The following PCCA variants were observed in gnomAD, a reference collection of about 807,000 sequenced individuals.
PCCA encodes the protein propionyl-CoA carboxylase alpha chain, mitochondrial.
Under a neutral mutation model 101.3 loss-of-function variants are expected in PCCA, and 74 were observed. That is an observed-to-expected ratio of 0.73 (90% CI 0.61 to 0.89). The LOEUF is 0.89. Among genes scored for constraint, PCCA ranks in the 40% least tolerant of loss-of-function variants. The probability of loss-of-function intolerance (pLI) is 0.00; values close to 1 mark genes in which losing one functional copy is unlikely to be tolerated. For synonymous variants in PCCA, 294 were observed against 313.6 expected, an observed-to-expected ratio of 0.94 and a Z score of 0.66; for missense variants, 891 against 907.0, an observed-to-expected ratio of 0.98 and a Z score of 0.23.
At chr13:100,412,028 G>T (rs12429310) in intron 19 of PCCA, among the ~76,000 whole-genome samples, 1 of 152,192 alleles carries the variant, frequency 6.6e-6, no homozygotes, top group Non-Finnish European at 1.5e-5. Context: ...ACCTAAATTA[G>T]ATCTTAGACA....
intron 21 of PCCA, among the ~76,000 whole-genome samples, chr13:100,475,129 C>T (rs2083319486): frequency 6.6e-6 from 1 of 152,172 alleles, no homozygotes; most frequent in Admixed American, 6.5e-5. Context: ...CTCATTGCAG[C>T]CTTGAACTCT....
At chr13:100,227,540 G>A (rs894642357) in intron 7 of PCCA, among the ~76,000 whole-genome samples, 1 of 152,148 alleles carries the variant, frequency 6.6e-6, no homozygotes, top group Non-Finnish European at 1.5e-5. Flanking sequence ...TTTTGTAATA[G>A]AGGAATAAGA....
chr13:100,527,774 A>G (rs2087971969), intron 23 of PCCA, 22 bp downstream of exon 23: 1 of 1,576,686 alleles, frequency 6.3e-7, no homozygotes, highest in Admixed American at 1.7e-5. Context: ...AGTCCCCATC[A>G]GCCCAGGCCG....
chr13:100,098,673 C>T (rs747066110), intron 1 of PCCA, among the ~76,000 whole-genome samples: 16 of 152,042 alleles, frequency 1.1e-4, no homozygotes, highest in Non-Finnish European at 1.8e-4. Context: ...AATGGCCTGG[C>T]GGAAGAGTCA....
At position 100,480,707 on chromosome 13, in the gene PCCA, AGCCTTCTCACCCATGC is replaced by A. The variant is rs2083829469; in HGVS notation, c.1899+31405_1899+31420del. The stretch of plus-strand genomic sequence containing the variant: ...GCTACAAAGCACCTCTTCCCTACCG[AGCCTTCTCACCCATGC>A]GCACTGAGTTTCTGAGTATCAGAAA... On this transcript the variant is annotated intron_variant, in intron 21 of 23. Coordinates refer to ENST00000376285, the MANE Select transcript of PCCA (RefSeq NM_000282.4). Among the ~76,000 whole-genome samples the A allele has an allele frequency of 2.0e-5, 3 of 152,172 alleles. No homozygotes were observed. In the South Asian group the frequency reaches 6.2e-4, roughly 31 times the overall value.
rs773331326 is a variant in PCCA at position 100,307,187 on chromosome 13, C to T, written c.1285-5C>T. ...TACTTTTCTTTTTTTCTTTTTTTCT[C>T]CCAGGTCCGAGTGGACAGTGGCATC... On this transcript the variant is annotated splice_region_variant and splice_polypyrimidine_tract_variant and intron_variant, in intron 14 of 23. Coordinates refer to ENST00000376285, the MANE Select transcript of PCCA (RefSeq NM_000282.4). 9 of 1,604,850 alleles carry T rather than the reference C, an allele frequency of 5.6e-6. No individual in the cohort carries two copies. The highest frequency in any genetic ancestry group is 7.7e-6 in the Non-Finnish European group (9 of 1,173,372).
chr13:100,115,024 A>G (rs9557385), intron 4 of PCCA, among the ~76,000 whole-genome samples: 44,551 of 152,144 alleles, frequency 0.29, 7,467 homozygotes, highest in East Asian at 0.69. Context: ...TTTGGAGGCA[A>G]CTTAAGTATC....
intron 20 of PCCA, among the ~76,000 whole-genome samples, chr13:100,434,173 A>T (rs80205809): frequency 0.016 from 2,373 of 152,208 alleles, 25 homozygotes; most frequent in Non-Finnish European, 0.025. Flanking sequence ...TTTCTTTATG[A>T]GCAGCTCTTA....
At chr13:100,337,793 G>A (rs184700180) in intron 17 of PCCA, among the ~76,000 whole-genome samples, 3 of 152,276 alleles carry the variant, frequency 2.0e-5, no homozygotes, top group African/African-American at 7.2e-5. Context: ...CTTGCTGATG[G>A]TATATACGGT....
chr13:100,341,973 A>ATATATATATATGTATATATATATATG (rs1257478273), intron 18 of PCCA, among the ~76,000 whole-genome samples: 1 of 121,870 alleles, frequency 8.2e-6, no homozygotes. Context: ...ATATATATAT[A>ATATATATATATGTATATATATATATG]TATATATATG....
chr13:100,330,693 T>A, intron 17 of PCCA, 22 bp downstream of exon 17: 1 of 1,349,994 alleles, frequency 7.4e-7, no homozygotes, highest in Non-Finnish European at 1.1e-6. Context: ...TTAAAATATT[T>A]TAGTGTTTTA....
At chr13:100,314,184 T>G (rs572956982) in intron 16 of PCCA, among the ~76,000 whole-genome samples, 1 of 152,286 alleles carries the variant, frequency 6.6e-6, no homozygotes, top group African/African-American at 2.4e-5. Flanking sequence ...CTCACAGAAC[T>G]CGCAGAAACT....
At position 100,330,587 on chromosome 13, in the gene PCCA, C is replaced by T. The variant is rs2069404553; in HGVS notation, c.1456C>T (p.Arg486Ter). The T allele has an allele frequency of 3.7e-6, 6 of 1,609,190 alleles. No individual in the cohort carries two copies. The highest frequency in any genetic ancestry group is 5.1e-6 in the Non-Finnish European group (6 of 1,175,990). The change falls in exon 17 of 24, where the codon CGA (arginine) becomes TGA (stop). Residue 486 changes from arginine to a stop codon, truncating the protein, a stop_gained. Transcript: ENST00000376285. LOFTEE classifies it high-confidence loss of function. Reference protein sequence around the residue: ...RGVTHNIALLREVIINSRFVK... With the variant: ...RGVTHNIALL ...TGTTACACATAATATTGCATTACTT[C>T]GAGAGGTGATAATCAACTCACGCTT...
intron 21 of PCCA, among the ~76,000 whole-genome samples, chr13:100,509,174 A>ACAC (rs2086291901): frequency 6.6e-6 from 1 of 152,160 alleles, no homozygotes; most frequent in Admixed American, 6.5e-5. Context: ...TGTTTCTCAA[A>ACAC]TGTGCACTTG....
intron 18 of PCCA, among the ~76,000 whole-genome samples, chr13:100,352,978 A>G (rs543059826): frequency 2.6e-4 from 39 of 152,324 alleles, no homozygotes; most frequent in Admixed American, 6.5e-4. Flanking sequence ...CAGCCTTCCA[A>G]GTAGCTGGGA....
chr13:100,151,648 G>C (rs889242663), intron 4 of PCCA, among the ~76,000 whole-genome samples: 4 of 151,912 alleles, frequency 2.6e-5, no homozygotes, highest in Non-Finnish European at 5.9e-5. Flanking sequence ...CTAAATGCTT[G>C]ATGGGAAAGC....
At chr13:100,192,573 C>T (rs149086558) in intron 6 of PCCA, among the ~76,000 whole-genome samples, 10 of 152,244 alleles carry the variant, frequency 6.6e-5, no homozygotes, top group African/African-American at 1.2e-4. Flanking sequence ...AAACTGTTTA[C>T]GCATGCACCA....
chr13:100,288,103 C>T (rs932972726), intron 12 of PCCA, among the ~76,000 whole-genome samples: 28 of 152,066 alleles, frequency 1.8e-4, no homozygotes, highest in Non-Finnish European at 3.4e-4. Context: ...AAGAGATAGA[C>T]GGAGTTTTTA....
At chr13:100,224,236 G>A (rs1460587072) in intron 7 of PCCA, among the ~76,000 whole-genome samples, 1 of 152,266 alleles carries the variant, frequency 6.6e-6, no homozygotes, top group African/African-American at 2.4e-5. Context: ...CGAGCGCAGT[G>A]CTGGTGGGCT....
Sources: allele counts gnomAD v4.1 joint callset (sites outside exome capture counted in the v4.1 genomes callset), GRCh38; gene constraint gnomAD v4.1.1; transcripts MANE v1.5; gene names NCBI Gene and HGNC (gene_info 2026-07-23, HGNC 2026-07-21).